C12orf42: variants seen among roughly 807,000 people sequenced by gnomAD.
C12orf42 encodes uncharacterized protein C12orf42.
A neutral mutation model predicts 21.6 loss-of-function variants in C12orf42; 25 were observed. The ratio of observed to expected loss-of-function variants is 1.16; its 90% CI spans 0.84 to 1.62. C12orf42 has a LOEUF of 1.62. C12orf42 is among the 40% of genes most tolerant of loss of function. C12orf42 has a pLI of 0.00. For missense variants in C12orf42, 483 were observed against 459.3 expected (o/e 1.05, Z -0.47); for synonymous variants, 174 against 175.0 (o/e 0.99, Z 0.05).
At chr12:103,523,045 T>C in the C12orf42 span, among the ~76,000 whole-genome samples, 1 of 152,192 alleles carries the variant, frequency 6.6e-6, no homozygotes, top group Non-Finnish European at 1.5e-5. Flanking sequence ...TTGAATGATG[T>C]CAGTCTGAAG....
At chr12:103,387,897 CCTCT>C (rs1430682358) in intron 3 of C12orf42, among the ~76,000 whole-genome samples, 1 of 152,168 alleles carries the variant, frequency 6.6e-6, no homozygotes, top group African/African-American at 2.4e-5. Flanking sequence ...CCTTCCCTTT[CCTCT>C]CTCTTTTTTT....
chr12:103,272,344 T>G (rs1593253711), intron 5 of C12orf42, among the ~76,000 whole-genome samples: 1 of 152,156 alleles, frequency 6.6e-6, no homozygotes, highest in Admixed American at 6.5e-5. Context: ...GAGCTCTTAG[T>G]GTTTAGCATA....
the C12orf42 span, among the ~76,000 whole-genome samples, chr12:103,162,294 C>T: frequency 1.3e-5 from 2 of 152,170 alleles, no homozygotes; most frequent in African/African-American, 4.8e-5. Flanking sequence ...ACCCCCACTC[C>T]TGTCAATCTC....
chr12:103,148,995 G>A, the C12orf42 span, among the ~76,000 whole-genome samples: 1 of 152,154 alleles, frequency 6.6e-6, no homozygotes, highest in Non-Finnish European at 1.5e-5. Context: ...ACTAGTCAGT[G>A]TATAATCCTT....
the C12orf42 span, chr12:103,504,377 T>C: frequency 6.1e-6 from 1 of 164,470 alleles, no homozygotes; most frequent in South Asian, 1.5e-4. Context: ...GCCTCCAAGA[T>C]TGAGGGCAAG....
chr12:103,562,093 T>C, the C12orf42 span, among the ~76,000 whole-genome samples: 5 of 152,206 alleles, frequency 3.3e-5, no homozygotes, highest in Non-Finnish European at 7.4e-5. Flanking sequence ...GCTGGCAAAA[T>C]CAATTTATTA....
intron 1 of C12orf42, among the ~76,000 whole-genome samples, chr12:103,484,720 T>C (rs1373758170): frequency 6.6e-6 from 1 of 152,178 alleles, no homozygotes; most frequent in East Asian, 1.9e-4. Flanking sequence ...GTTTTAGTCA[T>C]GAAGTCCTTC....
intron 3 of C12orf42, among the ~76,000 whole-genome samples, chr12:103,381,668 G>A (rs145496747): frequency 0.02 from 3,071 of 152,216 alleles, 60 homozygotes; most frequent in Non-Finnish European, 0.03. Context: ...CTGTAACCCC[G>A]GAACTTTGGG....
chr12:103,507,544 G>A, the C12orf42 span, among the ~76,000 whole-genome samples: 1 of 150,648 alleles, frequency 6.6e-6, no homozygotes, highest in African/African-American at 2.4e-5. Flanking sequence ...GGGGTGTGGC[G>A]GCACACACCT....
the C12orf42 span, among the ~76,000 whole-genome samples, chr12:103,512,430 T>G: frequency 6.8e-6 from 1 of 146,982 alleles, no homozygotes; most frequent in Non-Finnish European, 1.5e-5. Flanking sequence ...TTAGTTACAA[T>G]GTATTGTGTA....
chr12:103,053,484 A>G, the C12orf42 span, among the ~76,000 whole-genome samples: 6 of 151,960 alleles, frequency 3.9e-5, no homozygotes, highest in African/African-American at 9.7e-5. Context: ...AGTTCTTCAC[A>G]TATTCTAGAT....
the C12orf42 span, among the ~76,000 whole-genome samples, chr12:103,113,842 C>G: frequency 6.6e-5 from 10 of 152,182 alleles, no homozygotes; most frequent in Admixed American, 2.6e-4. Flanking sequence ...GTTTTGTGAA[C>G]AGTTACCTAG....
chr12:103,321,892 C>G (rs1320286174), intron 4 of C12orf42, among the ~76,000 whole-genome samples: 1 of 151,896 alleles, frequency 6.6e-6, no homozygotes, highest in Non-Finnish European at 1.5e-5. Flanking sequence ...GGAGGGATAG[C>G]ATTGGGAGAT....
At chr12:103,540,298 G>A in the C12orf42 span, among the ~76,000 whole-genome samples, 3 of 152,114 alleles carry the variant, frequency 2.0e-5, no homozygotes, top group Non-Finnish European at 4.4e-5. Flanking sequence ...GAGCTACCGC[G>A]CCCGGCCGAG....
the C12orf42 span, among the ~76,000 whole-genome samples, chr12:103,184,256 T>C: frequency 5.9e-5 from 9 of 152,198 alleles, no homozygotes; most frequent in Non-Finnish European, 1.3e-4. Flanking sequence ...CCTGTTAAGA[T>C]CTTTATGTTT....
the C12orf42 span, among the ~76,000 whole-genome samples, chr12:103,128,706 C>T: frequency 6.6e-6 from 1 of 152,110 alleles, no homozygotes; most frequent in African/African-American, 2.4e-5. Flanking sequence ...ATGGTAGGCA[C>T]TCAATACATG....
Position 103,401,488 on chromosome 12 carries a change from TC to T in C12orf42, c.147+118del, listed in dbSNP as rs2138693073. 3.8e-6 allele frequency: 3 copies of T among 790,082 alleles called. No individual in the cohort carries two copies. In the East Asian group the frequency reaches 8.1e-5, roughly 21 times the overall value. 48.9% of individuals were successfully genotyped at this position (790,082 alleles called of 1,614,324 possible). A position where few individuals can be genotyped will look rare whatever the true frequency, so the allele number is the denominator to read the frequency against. ...TCTTCTTATTTTAAAATGTAAAAAA[TC>T]CTTTACTAGCTATAAAGTCAAAAAT... On this transcript the variant is annotated intron_variant, in intron 3 of 5. Transcript: ENST00000548883.
chr12:103,275,027 T>C (rs1266099842), intron 5 of C12orf42, among the ~76,000 whole-genome samples: 1 of 152,208 alleles, frequency 6.6e-6, no homozygotes, highest in Non-Finnish European at 1.5e-5. Context: ...ACTCTTTTTT[T>C]TCCACCAATA....
At chr12:103,298,311 A>G (rs1328788789), downstream of C12orf42, among the ~76,000 whole-genome samples, 1 of 152,246 alleles carries the variant, frequency 6.6e-6, no homozygotes, top group Non-Finnish European at 1.5e-5. Flanking sequence ...TACACCAATA[A>G]CAGACAAACA....
Sources: allele counts gnomAD v4.1 joint callset (sites outside exome capture counted in the v4.1 genomes callset), GRCh38; gene constraint gnomAD v4.1.1; transcripts MANE v1.5; gene names NCBI Gene and HGNC (gene_info 2026-07-23, HGNC 2026-07-21).